The following ARHGAP44 variants were observed in gnomAD, a reference collection of about 807,000 sequenced individuals.
ARHGAP44 encodes Rho GTPase activating protein 44, also known as rho GTPase-activating protein 44.
In ARHGAP44, 43 loss-of-function variants were observed where a neutral mutation model predicts 106.8. That is an observed-to-expected ratio of 0.40 (90% CI 0.32 to 0.52). The LOEUF is 0.52. Among genes scored for constraint, ARHGAP44 ranks in the 20% least tolerant of loss-of-function variants. ARHGAP44 has a pLI of 0.48. For synonymous variants in ARHGAP44, 439 were observed against 410.3 expected (o/e 1.07, Z -0.85); for missense variants, 866 against 1,050.5 (o/e 0.82, Z 2.43).
chr17:12,905,963 G>A (rs979425052), intron 3 of ARHGAP44, among the ~76,000 whole-genome samples: 1 of 152,156 alleles, frequency 6.6e-6, no homozygotes. Flanking sequence ...TTGCCATTTT[G>A]AGCCTAGTAA....
At chr17:12,888,832 T>C (rs2036958525) in intron 1 of ARHGAP44, among the ~76,000 whole-genome samples, 1 of 152,216 alleles carries the variant, frequency 6.6e-6, no homozygotes, top group African/African-American at 2.4e-5. Flanking sequence ...TTTGTCATTA[T>C]TTCATGCTCC....
At chr17:12,815,129 A>T (rs1253966983) in intron 1 of ARHGAP44, among the ~76,000 whole-genome samples, 1 of 147,582 alleles carries the variant, frequency 6.8e-6, no homozygotes, top group South Asian at 2.1e-4. Flanking sequence ...TGTTCTTTTG[A>T]TTTTTTTTTT....
intron 3 of ARHGAP44, among the ~76,000 whole-genome samples, chr17:12,905,284 C>T (rs1338068529): frequency 6.6e-6 from 1 of 152,056 alleles, no homozygotes; most frequent in Non-Finnish European, 1.5e-5. Flanking sequence ...AAAGCATATC[C>T]CTTAAGAATT....
intron 1 of ARHGAP44, among the ~76,000 whole-genome samples, chr17:12,818,994 A>G (rs2034682267): frequency 6.6e-6 from 1 of 152,094 alleles, no homozygotes; most frequent in South Asian, 2.1e-4. Flanking sequence ...ACAGAGTTGG[A>G]AGGATCACAC....
intron 3 of ARHGAP44, among the ~76,000 whole-genome samples, chr17:12,898,284 C>T (rs187133918): frequency 1.6e-4 from 25 of 152,240 alleles, no homozygotes; most frequent in African/African-American, 5.5e-4. Context: ...GTGACAGCCC[C>T]TTAGAGGAGG....
rs550931572 is a variant in ARHGAP44 at position 12,849,234 on chromosome 17, C to T, written c.54-45706C>T. ...GTGGGCGTGTGTGTGTGTGTGTGTG[C>T]GCACACACACAGATTTTTCATATTC... On this transcript the variant is annotated intron_variant, in intron 1 of 20. Transcript: ENST00000379672. Among the ~76,000 whole-genome samples, 845 of 126,060 alleles carry T rather than the reference C, an allele frequency of 6.7e-3. 7 individuals are homozygous for T. The highest frequency in any genetic ancestry group is 0.028 in the African/African-American group (821 of 29,130). The allele number at this position is 126,060 out of a possible 152,430, so 82.7% of individuals were successfully genotyped here.
At chr17:12,805,945 T>G (rs2034261972) in intron 1 of ARHGAP44, among the ~76,000 whole-genome samples, 1 of 152,154 alleles carries the variant, frequency 6.6e-6, no homozygotes, top group African/African-American at 2.4e-5. Context: ...GATTAGCCAT[T>G]GCATGTGGGC....
chr17:12,906,968 A>G (rs1428657897), intron 3 of ARHGAP44, among the ~76,000 whole-genome samples: 1 of 152,072 alleles, frequency 6.6e-6, no homozygotes, highest in Non-Finnish European at 1.5e-5. Context: ...AACAAAAAAA[A>G]CAGAAAAAAA....
intron 14 of ARHGAP44, 38 bp downstream of exon 14, chr17:12,956,018 T>TG: frequency 2.0e-6 from 3 of 1,512,728 alleles, no homozygotes; most frequent in Non-Finnish European, 2.8e-6. Context: ...GGTGATCAGG[T>TG]GGGACTGCAG....
In ARHGAP44 at chr17:12,991,326, T is replaced by C. The variant is rs972453699; in HGVS notation, c.*1155T>C. 6.5e-6 allele frequency: 1 copy of C among 153,072 alleles called. No individual in the cohort carries two copies. The highest frequency in any genetic ancestry group is 2.1e-4 in the South Asian group (1 of 4,832). 9.5% of individuals were successfully genotyped at this position (153,072 alleles called of 1,614,324 possible). On this transcript the variant is annotated 3_prime_UTR_variant, in exon 21 of 21. Transcript: ENST00000379672. The stretch of plus-strand genomic sequence containing the variant: ...GATGATATAATATACCTATACATGA[T>C]ATAATATTTGTATATATGAAATCTC...
chr17:12,967,417 CAAT>C (rs2143269424), intron 16 of ARHGAP44, among the ~76,000 whole-genome samples: 1 of 152,028 alleles, frequency 6.6e-6, no homozygotes, highest in South Asian at 2.1e-4. Flanking sequence ...ACTGTGGTTG[CAAT>C]GTCTGGAACT....
intron 1 of ARHGAP44, among the ~76,000 whole-genome samples, chr17:12,835,105 A>G (rs2035197560): frequency 6.6e-6 from 1 of 152,190 alleles, no homozygotes; most frequent in South Asian, 2.1e-4. Flanking sequence ...GTCGAGAAAG[A>G]ACATCCCATA....
chr17:12,866,112 G>A (rs1471323590), intron 1 of ARHGAP44, among the ~76,000 whole-genome samples: 1 of 152,152 alleles, frequency 6.6e-6, no homozygotes, highest in Non-Finnish European at 1.5e-5. Flanking sequence ...TAATGGATCA[G>A]GGGAGAAGAC....
chr17:12,928,337 G>A (rs1420962706), intron 6 of ARHGAP44, among the ~76,000 whole-genome samples: 1 of 152,112 alleles, frequency 6.6e-6, no homozygotes, highest in Non-Finnish European at 1.5e-5. Flanking sequence ...GATAGGCAGG[G>A]GACTTAAACC....
At position 12,932,408 on chromosome 17, in the gene ARHGAP44, A is replaced by G. The variant is rs78946656; in HGVS notation, c.582+3362A>G. ...TCTAAAATATCAATTTATAAAAATTATCTATGTATCAGCAGTTTTAAACTT... is the reference window on the plus strand; with the variant it reads ...TCTAAAATATCAATTTATAAAAATTGTCTATGTATCAGCAGTTTTAAACTT... On this transcript the variant is annotated intron_variant, in intron 7 of 20. Transcript: ENST00000379672. Among the ~76,000 whole-genome samples, 81 of 152,354 alleles carry G rather than the reference A, an allele frequency of 5.3e-4. 1 individual carries two copies. In the East Asian group the frequency reaches 0.014, roughly 27 times the overall value.
At chr17:12,879,579 C>CT (rs200260131) in intron 1 of ARHGAP44, among the ~76,000 whole-genome samples, 2 of 151,728 alleles carry the variant, frequency 1.3e-5, no homozygotes, top group East Asian at 3.9e-4. Context: ...CAACTCAGCA[C>CT]TTGTTTTTAA....
At chr17:12,836,839 C>T (rs1260508445) in intron 1 of ARHGAP44, among the ~76,000 whole-genome samples, 1 of 152,134 alleles carries the variant, frequency 6.6e-6, no homozygotes, top group Non-Finnish European at 1.5e-5. Context: ...AGGACTTCAC[C>T]ACTGCTCTCT....
chr17:12,923,693 C>T (rs928325502), intron 6 of ARHGAP44, among the ~76,000 whole-genome samples: 1 of 152,188 alleles, frequency 6.6e-6, no homozygotes, highest in African/African-American at 2.4e-5. Context: ...AAGGTATACT[C>T]TTTGTTTCCG....
chr17:12,909,914 A>G (rs1445918418), intron 4 of ARHGAP44, among the ~76,000 whole-genome samples: 1 of 152,220 alleles, frequency 6.6e-6, no homozygotes, highest in African/African-American at 2.4e-5. Context: ...TCAACAAAAA[A>G]TAGAAAAATG....
Sources: gnomAD v4.1 joint callset for allele counts (sites outside exome capture counted in the v4.1 genomes callset) on GRCh38, gnomAD v4.1.1 for gene constraint, MANE v1.5 for transcripts, NCBI Gene and HGNC (gene_info 2026-07-23, HGNC 2026-07-21) for gene names.